DIRAS2: variants seen among roughly 807,000 people sequenced by gnomAD.
DIRAS2 encodes the protein DIRAS family GTPase 2.
In DIRAS2, 5 loss-of-function variants were observed where a neutral mutation model predicts 13.9. The ratio of observed to expected loss-of-function variants is 0.36; its 90% confidence interval spans 0.19 to 0.76. DIRAS2 has a LOEUF of 0.76. Among genes scored for constraint, DIRAS2 ranks in the 30% least tolerant of loss-of-function variants. DIRAS2 has a pLI of 0.53. For synonymous variants in DIRAS2, 111 were observed against 105.4 expected, an observed-to-expected ratio of 1.05 and a Z score of -0.33; for missense variants, 191 against 263.0, an observed-to-expected ratio of 0.73 and a Z score of 1.89.
intron 1 of DIRAS2, among the ~76,000 whole-genome samples, chr9:90,641,205 G>A (rs1825415998): frequency 2.0e-5 from 3 of 152,278 alleles, no homozygotes; most frequent in African/African-American, 7.2e-5. Flanking sequence ...TCCACAACTT[G>A]GCATTCAATC....
At chr9:90,626,432 C>T (rs993479773) in intron 1 of DIRAS2, among the ~76,000 whole-genome samples, 1 of 127,034 alleles carries the variant, frequency 7.9e-6, no homozygotes, top group Non-Finnish European at 1.8e-5. Flanking sequence ...ATAGCAAGAC[C>T]CCATTTCTTA....
chr9:90,621,321 A>T (rs894361701), intron 1 of DIRAS2, among the ~76,000 whole-genome samples: 10 of 152,288 alleles, frequency 6.6e-5, no homozygotes, highest in African/African-American at 2.4e-4. Context: ...AGATCTGGTG[A>T]TGGATAACTG....
intron 1 of DIRAS2, among the ~76,000 whole-genome samples, chr9:90,614,758 GA>G (rs1437213330): frequency 3.9e-4 from 60 of 152,244 alleles, no homozygotes; most frequent in African/African-American, 1.3e-3. Flanking sequence ...GAAACATAAG[GA>G]ATCAGGTATT....
At chr9:90,636,031 T>TTTTC (rs1825367135) in intron 1 of DIRAS2, among the ~76,000 whole-genome samples, 1 of 104,456 alleles carries the variant, frequency 9.6e-6, no homozygotes, top group Non-Finnish European at 1.8e-5. Flanking sequence ...AATATTCTTT[T>TTTTC]TTTTTTTTTT....
intron 1 of DIRAS2, among the ~76,000 whole-genome samples, chr9:90,641,112 A>T (rs1825415006): frequency 6.6e-6 from 1 of 152,210 alleles, no homozygotes; most frequent in African/African-American, 2.4e-5. Flanking sequence ...ATTTTTTTAA[A>T]AAAAAGGTCT....
intron 1 of DIRAS2, among the ~76,000 whole-genome samples, chr9:90,639,460 A>G (rs183685965): frequency 9.8e-5 from 15 of 152,368 alleles, no homozygotes; most frequent in Admixed American, 2.0e-4. Context: ...TTAGTTTTAT[A>G]ATGGGTTTGC....
intron 1 of DIRAS2, among the ~76,000 whole-genome samples, chr9:90,631,700 C>T (rs1825326696): frequency 6.6e-6 from 1 of 152,036 alleles, no homozygotes; most frequent in Non-Finnish European, 1.5e-5. Context: ...TCTGAGATGC[C>T]ATATCATTCA....
intron 1 of DIRAS2, among the ~76,000 whole-genome samples, chr9:90,622,987 T>A: frequency 6.6e-6 from 1 of 152,244 alleles, no homozygotes; most frequent in Non-Finnish European, 1.5e-5. Flanking sequence ...TACCTATTCT[T>A]GATTTCTCCA....
intron 1 of DIRAS2, among the ~76,000 whole-genome samples, chr9:90,641,726 G>A (rs987521426): frequency 1.3e-5 from 2 of 152,116 alleles, no homozygotes; most frequent in African/African-American, 4.8e-5. Context: ...GATTTGAAAT[G>A]TAAAATGCTC....
chr9:90,623,197 A>T (rs1394790251), intron 1 of DIRAS2, among the ~76,000 whole-genome samples: 1 of 151,610 alleles, frequency 6.6e-6, no homozygotes, highest in Non-Finnish European at 1.5e-5. Context: ...TCATCTGCTC[A>T]TTTCCCCAAA....
chr9:90,635,120 A>G (rs1202050700), intron 1 of DIRAS2, among the ~76,000 whole-genome samples: 2 of 152,252 alleles, frequency 1.3e-5, no homozygotes, highest in Non-Finnish European at 2.9e-5. Flanking sequence ...ACTCAAGTTT[A>G]GGTAAGTCCA....
intron 1 of DIRAS2, among the ~76,000 whole-genome samples, chr9:90,640,157 T>C (rs1030958904): frequency 2.0e-5 from 3 of 152,268 alleles, no homozygotes; most frequent in African/African-American, 7.2e-5. Context: ...GCTGTTTCTC[T>C]TTACTTTTCC....
chr9:90,635,182 C>T (rs1315438151), intron 1 of DIRAS2, among the ~76,000 whole-genome samples: 6 of 152,176 alleles, frequency 3.9e-5, no homozygotes, highest in Admixed American at 6.5e-5. Context: ...GGACCAGAAA[C>T]GTGGTCTAGG....
rs977846045 is a variant in DIRAS2 at position 90,632,178 on chromosome 9, G to A, written c.-37+10574C>T. Among the ~76,000 whole-genome samples, 5 of 152,148 alleles carry A rather than the reference G, an allele frequency of 3.3e-5. No individual in the cohort carries two copies. In the East Asian group the frequency reaches 5.8e-4, roughly 18 times the overall value. On this transcript the variant is annotated intron_variant, in intron 1 of 1. Transcript: ENST00000375765. ...ATCCTCCACTCAGGCTGCAGGACAC[G>A]TCATTCCTATGCTCAAAACCCTCCA...
chr9:90,619,216 G>C (rs1825196727), intron 1 of DIRAS2, among the ~76,000 whole-genome samples: 1 of 152,106 alleles, frequency 6.6e-6, no homozygotes. Context: ...GAAGTGGGTG[G>C]ATCACCTGAG....
At chr9:90,620,628 T>C (rs759737170) in intron 1 of DIRAS2, among the ~76,000 whole-genome samples, 8 of 151,876 alleles carry the variant, frequency 5.3e-5, no homozygotes, top group Non-Finnish European at 8.8e-5. Flanking sequence ...CCTTGTTGTG[T>C]GCCTGTAATC....
At chr9:90,622,821 G>A (rs566637636) in intron 1 of DIRAS2, among the ~76,000 whole-genome samples, 95 of 152,202 alleles carry the variant, frequency 6.2e-4, no homozygotes, top group Admixed American at 2.0e-3. Context: ...GGATCCATTC[G>A]AAATTGCTTT....
intron 1 of DIRAS2, among the ~76,000 whole-genome samples, chr9:90,629,987 G>A (rs1010125556): frequency 6.6e-6 from 1 of 152,122 alleles, no homozygotes; most frequent in African/African-American, 2.4e-5. Flanking sequence ...TTTATGATTT[G>A]CTAGAATGAT....
chr9:90,622,038 G>C (rs1825223647), intron 1 of DIRAS2, among the ~76,000 whole-genome samples: 1 of 152,138 alleles, frequency 6.6e-6, no homozygotes, highest in South Asian at 2.1e-4. Flanking sequence ...GATTGCTTGA[G>C]GTCAGGAGTT....
Sources: gnomAD v4.1 joint callset for allele counts (sites outside exome capture counted in the v4.1 genomes callset) on GRCh38, gnomAD v4.1.1 for gene constraint, MANE v1.5 for transcripts, NCBI Gene and HGNC (gene_info 2026-07-23, HGNC 2026-07-21) for gene names.